The following ELL variants were observed in gnomAD, a reference collection of about 807,000 sequenced individuals.
ELL encodes the protein elongation factor for RNA polymerase II.
A neutral mutation model predicts 64.0 loss-of-function variants in ELL; 18 were observed. That is an observed-to-expected ratio of 0.28 (90% CI 0.19 to 0.42). The LOEUF (loss-of-function observed/expected upper bound fraction) is 0.42. Among genes scored for constraint, ELL ranks in the 10% least tolerant of loss-of-function variants. The pLI is 1.00. For missense variants in ELL, 797 were observed against 870.4 expected (o/e 0.92, Z 1.06); for synonymous variants, 399 against 376.2 (o/e 1.06, Z -0.70).
intron 1 of ELL, among the ~76,000 whole-genome samples, chr19:18,511,434 T>C (rs202240158): frequency 1.3e-5 from 2 of 152,136 alleles, no homozygotes; most frequent in East Asian, 3.9e-4. Context: ...CTTCTGGGTA[T>C]GTATCCAAAA....
At chr19:18,516,572 T>C (rs2078642242) in intron 1 of ELL, among the ~76,000 whole-genome samples, 1 of 152,082 alleles carries the variant, frequency 6.6e-6, no homozygotes, top group Non-Finnish European at 1.5e-5. Flanking sequence ...CCCTGAGCCA[T>C]GGGCACTGAC....
chr19:18,457,413 G>A (rs144613629), intron 6 of ELL, among the ~76,000 whole-genome samples: 6 of 152,304 alleles, frequency 3.9e-5, no homozygotes, highest in East Asian at 1.9e-4. Context: ...GCAGTGCCCC[G>A]CAGGCCCCTG....
intron 1 of ELL, among the ~76,000 whole-genome samples, chr19:18,490,729 G>T (rs1297778651): frequency 1.3e-5 from 2 of 152,150 alleles, no homozygotes. Flanking sequence ...TGACGGCCCA[G>T]ACAGCGCTGC....
intron 10 of ELL, 145 bp from the exon 11 acceptor site, chr19:18,445,413 C>A (rs1429332338): frequency 1.3e-5 from 11 of 845,602 alleles, no homozygotes; most frequent in Non-Finnish European, 2.2e-5. Context: ...CCCAGGGGCC[C>A]ACAGCGGCTG....
rs1975774844 is a variant in ELL, at chr19:18,501,238, A to G, written c.135+20683T>C. Among the ~76,000 whole-genome samples, 1 of 152,174 alleles carries G rather than the reference A, an allele frequency of 6.6e-6. No individual in the cohort carries two copies. Reference sequence around the variant, plus strand: ...AACCACCCAATGGGAAACAGTGGTGAGCACAGCCATGGACCACAGAGAGTA... The same window carrying G: ...AACCACCCAATGGGAAACAGTGGTGGGCACAGCCATGGACCACAGAGAGTA... On this transcript the variant is annotated intron_variant, in intron 1 of 11. Transcript: ENST00000262809. The surrounding 1 kb of genome is among the most constrained non-coding windows in gnomAD (Gnocchi z 4.5).
chr19:18,473,415 TAAC>T (rs1975105194), intron 1 of ELL, among the ~76,000 whole-genome samples: 1 of 152,204 alleles, frequency 6.6e-6, no homozygotes, highest in South Asian at 2.1e-4. Flanking sequence ...CACTGGCTTT[TAAC>T]AACCAGGTGG....
intron 1 of ELL, chr19:18,473,153 G>A (rs772164794): frequency 7.1e-5 from 48 of 671,546 alleles, no homozygotes; most frequent in African/African-American, 3.9e-4. Context: ...ACAGGCTGGC[G>A]GAAGGCCCAG....
At position 18,444,715 on chromosome 19, in the gene ELL, C is replaced by A. The variant is rs764277082; in HGVS notation, c.*37G>T. On this transcript the variant is annotated 3_prime_UTR_variant, in exon 12 of 12. Transcript: ENST00000262809. ...ATCCTCTCTCACCGCCTTTTGCTCCCCCGACCCTCCCAGATCCCCGCCATC... is the reference window on the plus strand; with the variant it reads ...ATCCTCTCTCACCGCCTTTTGCTCCACCGACCCTCCCAGATCCCCGCCATC... 4.5e-5 allele frequency: 70 copies of A among 1,560,552 alleles called. No homozygotes were observed. The highest frequency in any genetic ancestry group is 6.0e-5 in the Non-Finnish European group (69 of 1,153,238).
At chr19:18,478,880 A>G (rs1470190659) in intron 1 of ELL, among the ~76,000 whole-genome samples, 1 of 152,120 alleles carries the variant, frequency 6.6e-6, no homozygotes, top group Non-Finnish European at 1.5e-5. Context: ...CAATGAGGAC[A>G]CTCCTGTAAA....
intron 1 of ELL, among the ~76,000 whole-genome samples, chr19:18,520,445 G>A (rs1266345895): frequency 6.6e-6 from 1 of 152,090 alleles, no homozygotes; most frequent in Admixed American, 6.6e-5. Context: ...GCCTCATCTT[G>A]GGGAGTCTTT....
At chr19:18,502,891 G>A (rs1016864399) in intron 1 of ELL, among the ~76,000 whole-genome samples, 4 of 152,210 alleles carry the variant, frequency 2.6e-5, no homozygotes, top group Non-Finnish European at 5.9e-5. Context: ...ACCTGGCCGG[G>A]TGTGCCAATG....
rs764008724 is a variant in ELL, at chr19:18,446,722, C to T, written c.1532+26G>A. ...CTGAACCCAGAAAAGGGAGGCCTGG[C>T]CTGCAGGGCCCAGACAAACACTCAC... On this transcript the variant is annotated intron_variant, in intron 9 of 11. Coordinates refer to ENST00000262809, the MANE Select transcript of ELL (RefSeq NM_006532.4). 3 of 1,613,252 alleles carry T rather than the reference C, an allele frequency of 1.9e-6. No homozygotes were observed. The Admixed American group carries it at 5.0e-5, about 27-fold the overall frequency.
At position 18,450,815 on chromosome 19, in the gene ELL, T is replaced by C. The variant is rs747490580; in HGVS notation, c.1127A>G (p.Asp376Gly). 5 of 1,585,510 alleles carry C rather than the reference T, an allele frequency of 3.2e-6. No individual in the cohort carries two copies. The South Asian group carries it at 3.4e-5, about 11-fold the overall frequency. Residue 376 changes from aspartate to glycine, a missense_variant, in exon 8 of 12, where the codon GAC becomes GGC. Transcript: ENST00000262809. ...LPTPGPPAST[D>G]TLSSSTHLPP... ...CAGGTGAGTGCTGGAGCTGAGGGTGTCCGTGCTGGCTGGTGGGCCCGGGGT... is the reference window on the plus strand; with the variant it reads ...CAGGTGAGTGCTGGAGCTGAGGGTGCCCGTGCTGGCTGGTGGGCCCGGGGT...
intron 1 of ELL, among the ~76,000 whole-genome samples, chr19:18,506,340 G>A (rs925619972): frequency 2.0e-5 from 3 of 152,236 alleles, no homozygotes; most frequent in South Asian, 2.1e-4. Context: ...AGGGACACCC[G>A]GGCTGCTTCA....
chr19:18,482,427 C>CCTGCCTCTGCCTCTGCCT (rs551338878), intron 1 of ELL, among the ~76,000 whole-genome samples: 2 of 146,526 alleles, frequency 1.4e-5, no homozygotes, highest in African/African-American at 2.6e-5. Flanking sequence ...AAGCAATTCT[C>CCTGCCTCTGCCTCTGCCT]CTGCCTCTGC....
chr19:18,466,367 C>T (rs1333853601), intron 2 of ELL, among the ~76,000 whole-genome samples: 2 of 152,228 alleles, frequency 1.3e-5, no homozygotes, highest in Non-Finnish European at 2.9e-5. Flanking sequence ...GCAACTCTGG[C>T]GCCCCTCCTT....
intron 6 of ELL, among the ~76,000 whole-genome samples, chr19:18,456,598 G>C (rs1974680988): frequency 6.6e-6 from 1 of 152,180 alleles, no homozygotes; most frequent in South Asian, 2.1e-4. Context: ...CAGGCAGTGT[G>C]TGGCTTGGGC....
intron 6 of ELL, among the ~76,000 whole-genome samples, chr19:18,454,217 A>G (rs887356598): frequency 6.6e-6 from 1 of 152,190 alleles, no homozygotes; most frequent in African/African-American, 2.4e-5. Flanking sequence ...ACATCCTTAG[A>G]GGCCGGGCCC....
Position 18,465,293 on chromosome 19 carries a change from G to A in ELL, c.469+119C>T, listed in dbSNP as rs181000151. 2.0e-4 allele frequency: 272 copies of A among 1,377,506 alleles called. 1 individual carries two copies. In the African/African-American group the frequency reaches 2.1e-3, roughly 11 times the overall value. 85.3% of individuals were successfully genotyped at this position (1,377,506 alleles called of 1,614,324 possible). Reference sequence around the variant, plus strand: ...CGTCCTGCTCAGGGACCGACTCCTCGGTTGACCCATCATTTCTGTGCAGGG... The same window carrying A: ...CGTCCTGCTCAGGGACCGACTCCTCAGTTGACCCATCATTTCTGTGCAGGG... On this transcript the variant is annotated intron_variant, in intron 4 of 11. Transcript: ENST00000262809.
Sources: gnomAD v4.1 joint callset for allele counts (sites outside exome capture counted in the v4.1 genomes callset) on GRCh38, gnomAD v4.1.1 for gene constraint, Gnocchi (gnomAD v3.1) non-coding constraint, MANE v1.5 for transcripts, NCBI Gene and HGNC (gene_info 2026-07-23, HGNC 2026-07-21) for gene names.